The following NEO1 variants were observed in gnomAD, a reference collection of about 807,000 sequenced individuals.
The protein encoded by NEO1 is neogenin.
NEO1 carries 63 observed loss-of-function variants against 159.7 expected under a neutral mutation model. That is an observed-to-expected ratio of 0.39 (90% CI 0.32 to 0.49). NEO1 has a LOEUF of 0.49. Among genes scored for constraint, NEO1 ranks in the 20% least tolerant of loss-of-function variants. The pLI, the probability that NEO1 is intolerant of heterozygous loss-of-function variation, is 0.85. For missense variants in NEO1, 1,615 were observed against 1,831.0 expected (o/e 0.88, Z 2.15); for synonymous variants, 633 against 662.0 (o/e 0.96, Z 0.67).
chr15:73,150,935 A>G (rs2033319167), intron 5 of NEO1, among the ~76,000 whole-genome samples: 3 of 152,224 alleles, frequency 2.0e-5, no homozygotes, highest in Non-Finnish European at 4.4e-5. Context: ...CACAAAGCAT[A>G]ACGTATTTGA....
chr15:73,261,976 T>C (rs912873679), intron 15 of NEO1, among the ~76,000 whole-genome samples: 1 of 152,184 alleles, frequency 6.6e-6, no homozygotes, highest in Non-Finnish European at 1.5e-5. Flanking sequence ...CATATGTATA[T>C]AGTCAGTTGG....
chr15:73,169,423 A>C (rs1411119998), intron 5 of NEO1, among the ~76,000 whole-genome samples: 1 of 152,134 alleles, frequency 6.6e-6, no homozygotes, highest in Non-Finnish European at 1.5e-5. Flanking sequence ...TATCAATTTA[A>C]CTTCCCAACC....
At chr15:73,070,540 G>C (rs903646948) in intron 1 of NEO1, among the ~76,000 whole-genome samples, 16 of 152,156 alleles carry the variant, frequency 1.1e-4, no homozygotes, top group African/African-American at 3.9e-4. Context: ...AAATAGAAAA[G>C]AGGTTTTTAA....
chr15:73,138,372 G>A lies in NEO1; in HGVS notation c.1015+2345G>A, dbSNP rs7359224. ...AAATTATCACACAAGATCTCTGAAG[G>A]TTTGCTGCACAAAGATACGTTGAAA... On this transcript the variant is annotated intron_variant, in intron 5 of 28. Coordinates refer to ENST00000261908, the MANE Select transcript of NEO1 (RefSeq NM_002499.4). Among the ~76,000 whole-genome samples the A allele has an allele frequency of 8.7e-3, 1,319 of 152,304 alleles. 22 individuals are homozygous for A. Among genetic ancestry groups the A allele is most frequent in the African/African-American group, 0.03 (1,245 of 41,562 alleles).
At chr15:73,146,280 G>A (rs68139669) in intron 5 of NEO1, among the ~76,000 whole-genome samples, 12,340 of 152,232 alleles carry the variant, frequency 0.081, 593 homozygotes, top group Non-Finnish European at 0.1. Context: ...AGCACCTAAT[G>A]TAGTAGTGCC....
intron 5 of NEO1, among the ~76,000 whole-genome samples, chr15:73,137,070 C>T (rs1410395417): frequency 6.6e-6 from 1 of 152,134 alleles, no homozygotes; most frequent in Non-Finnish European, 1.5e-5. Context: ...CTTAAGTTCA[C>T]CATTTAGATA....
chr15:73,260,371 C>A lies in NEO1; in HGVS notation c.2304C>A (p.Val768=). 2 of 1,614,040 alleles carry A rather than the reference C, an allele frequency of 1.2e-6. No homozygotes were observed. The highest frequency in any genetic ancestry group is 2.2e-5 in the South Asian group (2 of 91,066). Residue 768 remains valine (V), a synonymous_variant, in exon 15 of 29, where the codon GTC becomes GTA. Transcript: ENST00000261908. ...WTPPENQNIV[V]RGYAIGYGIG... Reference sequence around the variant, plus strand: ...CTCCAGAGAATCAGAACATTGTGGTCAGAGGTTACGCCATTGGTTATGGCA... The same window carrying A: ...CTCCAGAGAATCAGAACATTGTGGTAAGAGGTTACGCCATTGGTTATGGCA...
intron 20 of NEO1, 143 bp downstream of exon 20, chr15:73,274,148 C>T (rs1007364262): frequency 8.6e-6 from 7 of 814,224 alleles, no homozygotes; most frequent in Non-Finnish European, 1.3e-5. Context: ...AGATTTATCC[C>T]AGAATGATTC....
chr15:73,259,366 A>T (rs1250066202), intron 14 of NEO1, among the ~76,000 whole-genome samples: 15 of 70,978 alleles, frequency 2.1e-4, no homozygotes, highest in Middle Eastern at 8.3e-3. Flanking sequence ...GTCTCATTTT[A>T]CTAATTTTTT....
intron 1 of NEO1, among the ~76,000 whole-genome samples, chr15:73,090,300 T>C (rs140303358): frequency 0.014 from 2,198 of 152,218 alleles, 48 homozygotes; most frequent in African/African-American, 0.051. Context: ...GTTCATGGGA[T>C]TCTCCTGCCT....
rs765558334 is a variant in NEO1, at chr15:73,052,656, C to A, written c.-20C>A. ...TCCGCGGCGCTGTCGCCGCCGCTGC[C>A]GCTCACTCTCGGGGAAGAGATGGCG... On this transcript the variant is annotated 5_prime_UTR_variant, in exon 1 of 29. Transcript: ENST00000261908. The A allele has an allele frequency of 7.8e-7, 1 of 1,278,752 alleles. No homozygotes were observed. Among genetic ancestry groups the A allele is most frequent in the South Asian group, 1.9e-5 (1 of 52,242 alleles). 79.2% of individuals were successfully genotyped at this position (1,278,752 alleles called of 1,614,324 possible).
At position 73,279,351 on chromosome 15, in the gene NEO1, G is replaced by GTTTTTTTTTTTTTTTT. The variant is rs869029902; in HGVS notation, c.3262+1167_3262+1168insTTTTTTTTTTTTTTTT. On this transcript the variant is annotated intron_variant, in intron 22 of 28. Coordinates refer to ENST00000261908, the MANE Select transcript of NEO1 (RefSeq NM_002499.4). ...ATGTTTTTTTGTTGTTTTGGTTTTG[G>GTTTTTTTTTTTTTTTT]TTTTTTTTTTTTTTTGAGATGGAAT... is the stretch of plus-strand genomic sequence containing the variant. Among the ~76,000 whole-genome samples, 300 of 119,250 alleles carry GTTTTTTTTTTTTTTTT rather than the reference G, an allele frequency of 2.5e-3. 37 individuals are homozygous for GTTTTTTTTTTTTTTTT. Among genetic ancestry groups the GTTTTTTTTTTTTTTTT allele is most frequent in the Middle Eastern group, 4.7e-3 (1 of 212 alleles). The allele number at this position is 119,250 out of a possible 152,430, so 78.2% of individuals were successfully genotyped here. A position where few individuals can be genotyped will look rare whatever the true frequency, so the allele number is the denominator to read the frequency against.
At chr15:73,220,258 C>G (rs1273455937) in intron 7 of NEO1, among the ~76,000 whole-genome samples, 1 of 152,184 alleles carries the variant, frequency 6.6e-6, no homozygotes, top group Non-Finnish European at 1.5e-5. Context: ...GGCCCCCACT[C>G]TCTTCTGGCT....
intron 15 of NEO1, among the ~76,000 whole-genome samples, chr15:73,263,252 G>A (rs910674301): frequency 2.0e-5 from 3 of 147,712 alleles, no homozygotes; most frequent in African/African-American, 7.6e-5. Context: ...GGAGGGCAGT[G>A]GCGCGATCTC....
chr15:73,136,106 G>A (rs759170526), intron 5 of NEO1, 79 bp downstream of exon 5: 12 of 1,310,684 alleles, frequency 9.2e-6, no homozygotes, highest in Middle Eastern at 2.0e-4. Context: ...TATTAACATG[G>A]GCGAGGCAAT....
At chr15:73,260,637 T>C (rs1449070400) in intron 15 of NEO1, among the ~76,000 whole-genome samples, 172 bp downstream of exon 15, 1 of 152,194 alleles carries the variant, frequency 6.6e-6, no homozygotes, top group Non-Finnish European at 1.5e-5. Context: ...TACAGCTATA[T>C]TTTGCAGAAT....
intron 7 of NEO1, among the ~76,000 whole-genome samples, chr15:73,227,174 G>T (rs927862423): frequency 2.6e-5 from 4 of 152,148 alleles, no homozygotes; most frequent in African/African-American, 4.8e-5. Context: ...AGAAATATTA[G>T]GAGCAGCTCT....
intron 1 of NEO1, among the ~76,000 whole-genome samples, chr15:73,072,689 AGT>A (rs2068592370): frequency 6.6e-6 from 1 of 152,092 alleles, no homozygotes; most frequent in African/African-American, 2.4e-5. Flanking sequence ...ATGAAGAAAA[AGT>A]GTGTGTGTGC....
rs10549726 is a variant in NEO1, at chr15:73,171,612, CTATTATTATTAT to C, written c.1016-4758_1016-4747del. On this transcript the variant is annotated intron_variant, in intron 5 of 28. Transcript: ENST00000261908. ...CTGGGTAATAGGTGATATTAAGAAA[CTATTATTATTAT>C]TATTATTATTATTATTATTATTATT... Among the ~76,000 whole-genome samples the C allele has an allele frequency of 2.9e-3, 409 of 139,008 alleles. 2 individuals carry two copies. Among genetic ancestry groups the C allele is most frequent in the Middle Eastern group, 7.2e-3 (2 of 278 alleles). 91.2% of individuals were successfully genotyped at this position (139,008 alleles called of 152,430 possible). A position where few individuals can be genotyped will look rare whatever the true frequency, so the allele number is the denominator to read the frequency against.
Sources: allele counts gnomAD v4.1 joint callset (sites outside exome capture counted in the v4.1 genomes callset), GRCh38; gene constraint gnomAD v4.1.1; transcripts MANE v1.5; gene names NCBI Gene and HGNC (gene_info 2026-07-23, HGNC 2026-07-21).